The following EIF4ENIF1 variants were observed in gnomAD, a reference collection of about 807,000 sequenced individuals.
EIF4ENIF1 encodes the protein eukaryotic translation initiation factor 4E transporter.
EIF4ENIF1 carries 23 observed loss-of-function variants against 110.5 expected under a neutral mutation model. That is an observed-to-expected ratio of 0.21 (90% CI 0.15 to 0.29). The LOEUF (loss-of-function observed/expected upper bound fraction) is 0.29, where lower values mean the gene tolerates loss of function less well. Ranked by LOEUF, EIF4ENIF1 falls within the 10% of genes least tolerant of loss-of-function variation. The pLI is 1.00. For synonymous variants in EIF4ENIF1, 440 were observed against 437.0 expected, an observed-to-expected ratio of 1.01 and a Z score of -0.09; for missense variants, 1,031 against 1,221.1, an observed-to-expected ratio of 0.84 and a Z score of 2.32.
chr22:31,458,874 GATT>G (rs1177327408), intron 6 of EIF4ENIF1, among the ~76,000 whole-genome samples: 3 of 151,618 alleles, frequency 2.0e-5, no homozygotes, highest in African/African-American at 7.3e-5. Context: ...ATGTGGGGAG[GATT>G]ATGGTTCCCT....
intron 10 of EIF4ENIF1, among the ~76,000 whole-genome samples, chr22:31,452,783 A>C (rs1480705660): frequency 6.6e-6 from 1 of 152,234 alleles, no homozygotes; most frequent in African/African-American, 2.4e-5. Flanking sequence ...AAGCAGTTTT[A>C]CAGGGACATT....
In EIF4ENIF1 at chr22:31,463,878, C is replaced by T. The variant is rs771621793; in HGVS notation, c.388G>A (p.Ala130Thr). The stretch of plus-strand genomic sequence containing the variant: ...CTTCCTGAGCGCCGGGAGCTAACAG[C>T]GGCTGTCACGTGGCAGCCCCCTCCA... The part of the protein sequence containing the change: ...SFGGGCHVTA[A>T]VSSRRSGSPL... Residue 130 changes from alanine to threonine, a missense_variant, in exon 5 of 19, where the codon GCT (alanine) becomes ACT (threonine). By Grantham distance (58) the Ala-to-Thr change is moderately conservative (BLOSUM62 0). This residue lies in a region of EIF4ENIF1 where 704 missense variants were observed against 879.7 expected (regional missense o/e 0.80). Coordinates refer to ENST00000330125, the MANE Select transcript of EIF4ENIF1 (RefSeq NM_019843.4). The T allele has an allele frequency of 2.4e-5, 38 of 1,614,004 alleles. No individual in the cohort carries two copies. The highest frequency in any genetic ancestry group is 3.1e-5 in the Non-Finnish European group (36 of 1,180,042).
chr22:31,475,709 C>T (rs931625324), intron 2 of EIF4ENIF1, among the ~76,000 whole-genome samples: 2 of 139,352 alleles, frequency 1.4e-5, no homozygotes, highest in African/African-American at 2.8e-5. Context: ...GGTGACAGAG[C>T]GAGACTCCGT....
In EIF4ENIF1 at chr22:31,463,955, C is replaced by A. The variant is rs766746036; in HGVS notation, c.311G>T (p.Arg104Leu). 2.5e-6 allele frequency: 4 copies of A among 1,612,262 alleles called. No individual in the cohort carries two copies. The highest frequency in any genetic ancestry group is 2.5e-6 in the Non-Finnish European group (3 of 1,179,418). ...LVRRIVDPRERVKEDDLDVVL... is the reference protein window; with the variant it reads ...LVRRIVDPRELVKEDDLDVVL... ...AACATCTAAGTCATCTTCTTTCACA[C>A]GCTCTCGTGGATCTGGAAGGACGTG... The change falls in exon 5 of 19, where the codon CGT (arginine) becomes CTT (leucine). Residue 104 changes from arginine (R) to leucine (L), a missense_variant. Coordinates refer to ENST00000330125, the MANE Select transcript of EIF4ENIF1 (RefSeq NM_019843.4).
Position 31,447,418 on chromosome 22 carries a change from T to TAA in EIF4ENIF1, c.1988+6_1988+7dup, listed in dbSNP as rs768035537. ...TAAATCTCCACATGAGCAGGATTAGTAATTTACCTGTTTCTGAATCCATCT... is the reference window on the plus strand; with the variant it reads ...TAAATCTCCACATGAGCAGGATTAGTAAAATTTACCTGTTTCTGAATCCATCT... On this transcript the variant is annotated splice_region_variant and intron_variant, in intron 14 of 18. Coordinates refer to ENST00000330125, the MANE Select transcript of EIF4ENIF1 (RefSeq NM_019843.4). 56 of 1,608,506 alleles carry TAA rather than the reference T, an allele frequency of 3.5e-5. No individual in the cohort carries two copies. In the Admixed American group the frequency reaches 9.4e-4, roughly 27 times the overall value.
intron 16 of EIF4ENIF1, 48 bp from the exon 17 acceptor site, chr22:31,442,166 C>T: frequency 7.2e-7 from 1 of 1,389,510 alleles, no homozygotes. Context: ...CTCCCAAACA[C>T]TTGTGGCCTC....
At chr22:31,447,609 C>T (rs2050515464) in intron 13 of EIF4ENIF1, 44 bp from the exon 14 acceptor site, 2 of 1,547,172 alleles carry the variant, frequency 1.3e-6, no homozygotes, top group Non-Finnish European at 1.7e-6. Context: ...AGTAAGGACA[C>T]CACACTTTCT....
At chr22:31,463,204 T>C (rs577995100) in intron 5 of EIF4ENIF1, 71 bp from the exon 6 acceptor site, 3 of 1,448,632 alleles carry the variant, frequency 2.1e-6, no homozygotes, top group Admixed American at 1.8e-5. Context: ...AAGGTCTTCG[T>C]TGTAATGTTC....
At chr22:31,468,911 AAAG>A (rs2051277853) in intron 3 of EIF4ENIF1, among the ~76,000 whole-genome samples, 1 of 152,230 alleles carries the variant, frequency 6.6e-6, no homozygotes, top group Non-Finnish European at 1.5e-5. Context: ...TGTACTATAC[AAAG>A]AAGATGTTCC....
chr22:31,456,067 T>C, intron 7 of EIF4ENIF1, 80 bp from the exon 8 acceptor site: 1 of 1,454,472 alleles, frequency 6.9e-7, no homozygotes, highest in Non-Finnish European at 9.4e-7. Flanking sequence ...AAGGGTCACT[T>C]ACTTTGAAAC....
intron 10 of EIF4ENIF1, chr22:31,450,739 CACTCAT>C (rs1372724694): frequency 3.1e-5 from 8 of 260,934 alleles, no homozygotes; most frequent in Non-Finnish European, 6.1e-5. Context: ...CACACACACA[CACTCAT>C]ATATACACAC....
intron 16 of EIF4ENIF1, among the ~76,000 whole-genome samples, chr22:31,442,670 T>C (rs1196694501): frequency 6.6e-6 from 1 of 152,202 alleles, no homozygotes; most frequent in Non-Finnish European, 1.5e-5. Context: ...CAAATAAGTA[T>C]ACTAATTATT....
chr22:31,462,485 A>C (rs1233902140), intron 6 of EIF4ENIF1, among the ~76,000 whole-genome samples: 1 of 53,350 alleles, frequency 1.9e-5, no homozygotes, highest in African/African-American at 6.2e-5. Context: ...ACTCCGTCTC[A>C]AAAAAAAAAA....
intron 4 of EIF4ENIF1, among the ~76,000 whole-genome samples, chr22:31,466,986 C>G (rs960389642): frequency 3.9e-5 from 6 of 152,118 alleles, no homozygotes; most frequent in South Asian, 4.2e-4. Flanking sequence ...CTGTTTTTTC[C>G]AAACACAGGA....
Position 31,440,844 on chromosome 22 carries a change from A to C in EIF4ENIF1, c.2576T>G (p.Leu859Trp). 6.2e-7 allele frequency: 1 copy of C among 1,614,000 alleles called. No individual in the cohort carries two copies. Among genetic ancestry groups the C allele is most frequent in the East Asian group, 2.2e-5 (1 of 44,886 alleles). Reference protein sequence around the residue: ...QTGVLPPGMDLSHLQGISGPI... With the variant: ...QTGVLPPGMDWSHLQGISGPI... ...GCCAGATATTCCCTGTAAATGACTCAAGTCCATCCCAGGAGGAAGCACACC... is the reference window on the plus strand; with the variant it reads ...GCCAGATATTCCCTGTAAATGACTCCAGTCCATCCCAGGAGGAAGCACACC... Residue 859 changes from leucine to tryptophan, a missense_variant, in exon 18 of 19, where the codon TTG becomes TGG. By Grantham distance (61) the Leu-to-Trp change is moderately conservative. Transcript: ENST00000330125.
chr22:31,448,986 G>A (rs969721191), intron 12 of EIF4ENIF1, among the ~76,000 whole-genome samples: 5 of 152,062 alleles, frequency 3.3e-5, no homozygotes, highest in Admixed American at 2.6e-4. Flanking sequence ...TATCTTCCAC[G>A]TTTGGTACCC....
At chr22:31,479,723 GT>G (rs913726774) in intron 2 of EIF4ENIF1, among the ~76,000 whole-genome samples, 6 of 127,636 alleles carry the variant, frequency 4.7e-5, no homozygotes, top group South Asian at 2.5e-4. Flanking sequence ...TCCTTTTGGA[GT>G]TTTTTTTTTG....
In EIF4ENIF1 at chr22:31,477,378, AAAAAAC is replaced by A. The variant is rs1386716846; in HGVS notation, c.97-5467_97-5462del. Among the ~76,000 whole-genome samples, 770 of 145,792 alleles carry A rather than the reference AAAAAAC, an allele frequency of 5.3e-3. 32 individuals carry two copies. The highest frequency in any genetic ancestry group is 8.4e-3 in the Non-Finnish European group (559 of 66,776). On this transcript the variant is annotated intron_variant, in intron 2 of 18. Coordinates refer to ENST00000330125, the MANE Select transcript of EIF4ENIF1 (RefSeq NM_019843.4). ...TCTCCAAAAAAAAAAAAAAAAACAA[AAAAAAC>A]AAAAAAAGAGAATTTGAAATTGAGA...
chr22:31,475,760 C>T (rs1460723893), intron 2 of EIF4ENIF1, among the ~76,000 whole-genome samples: 4 of 151,338 alleles, frequency 2.6e-5, no homozygotes, highest in Non-Finnish European at 5.9e-5. Flanking sequence ...GTGTGGTCCC[C>T]GCTACTCAGG....
Sources: gnomAD v4.1 joint callset for allele counts (sites outside exome capture counted in the v4.1 genomes callset) on GRCh38, gnomAD v4.1.1 for gene constraint, gnomAD v4.1.1 regional missense constraint, MANE v1.5 for transcripts, NCBI Gene and HGNC (gene_info 2026-07-23, HGNC 2026-07-21) for gene names.